The following ABTB2 variants were observed in gnomAD, a reference collection of about 807,000 sequenced individuals.
ABTB2 encodes the protein ankyrin repeat and BTB/POZ domain-containing protein 2.
In ABTB2, 56 loss-of-function variants were observed where a neutral mutation model predicts 104.1. The ratio of observed to expected loss-of-function variants is 0.54; its 90% confidence interval spans 0.43 to 0.67. ABTB2 has a LOEUF of 0.67. ABTB2 is among the 30% of genes least tolerant of loss of function. The pLI, the probability that ABTB2 is intolerant of heterozygous loss-of-function variation, is 0.00. For missense variants in ABTB2, 1,279 were observed against 1,407.7 expected, an observed-to-expected ratio of 0.91 and a Z score of 1.46; for synonymous variants, 606 against 608.2, an observed-to-expected ratio of 1.00 and a Z score of 0.05.
chr11:34,332,484 T>G (rs1170093760), intron 1 of ABTB2, among the ~76,000 whole-genome samples: 2 of 152,192 alleles, frequency 1.3e-5, no homozygotes, highest in Non-Finnish European at 2.9e-5. Flanking sequence ...ACCCTTGACC[T>G]AAGGGAATTA....
intron 1 of ABTB2, among the ~76,000 whole-genome samples, chr11:34,237,510 AT>A (rs1853861244): frequency 6.6e-6 from 1 of 152,102 alleles, no homozygotes; most frequent in Non-Finnish European, 1.5e-5. Context: ...CAGATTTATG[AT>A]TATGATCAGA....
intron 1 of ABTB2, among the ~76,000 whole-genome samples, chr11:34,262,815 C>T (rs760740728): frequency 6.6e-6 from 1 of 152,114 alleles, no homozygotes; most frequent in Non-Finnish European, 1.5e-5. Flanking sequence ...CTCTTGTGGG[C>T]GATTGTCACC....
chr11:34,165,542 A>G (rs140971695), intron 7 of ABTB2, among the ~76,000 whole-genome samples, 186 bp from the exon 8 acceptor site: 311 of 152,350 alleles, frequency 2.0e-3, no homozygotes, highest in African/African-American at 7.1e-3. Flanking sequence ...CAAAGTTTCT[A>G]GAATCTTCAA....
At chr11:34,175,353 C>G (rs11032536) in intron 3 of ABTB2, among the ~76,000 whole-genome samples, 4,067 of 152,314 alleles carry the variant, frequency 0.027, 188 homozygotes, top group East Asian at 0.19. Context: ...ACTGAATAGC[C>G]TACCTTAAAC....
Position 34,243,843 on chromosome 11 carries a change from C to T in ABTB2, c.884-39153G>A, listed in dbSNP as rs559308596. The stretch of plus-strand genomic sequence containing the variant: ...GACACACCCCAGCCCTGGGTATCAG[C>T]GTGGTGACTCAGCAGAGGGCATTCC... On this transcript the variant is annotated intron_variant, in intron 1 of 16. Coordinates refer to ENST00000435224, the MANE Select transcript of ABTB2 (RefSeq NM_145804.3). 5.9e-5 allele frequency among the ~76,000 whole-genome samples: 9 copies of T among 152,262 alleles called. No homozygotes were observed. The East Asian group carries it at 1.5e-3, about 26-fold the overall frequency.
intron 1 of ABTB2, among the ~76,000 whole-genome samples, chr11:34,220,720 AAATAAATAAAT>A (rs1338042512): frequency 1.3e-5 from 2 of 152,292 alleles, no homozygotes; most frequent in Middle Eastern, 3.4e-3. Context: ...TGCAAAAATA[AAATAAATAAAT>A]AATAAATAAA....
chr11:34,166,572 C>T (rs1013202903), intron 7 of ABTB2, among the ~76,000 whole-genome samples: 2 of 152,256 alleles, frequency 1.3e-5, no homozygotes, highest in African/African-American at 4.8e-5. Context: ...AGAGGTCTTG[C>T]AACCTAGTGG....
At chr11:34,198,875 T>C (rs1038902580) in intron 2 of ABTB2, among the ~76,000 whole-genome samples, 4 of 152,220 alleles carry the variant, frequency 2.6e-5, no homozygotes, top group African/African-American at 7.2e-5. Context: ...GCCTCACCCC[T>C]GGCCATTCCT....
intron 3 of ABTB2, among the ~76,000 whole-genome samples, chr11:34,176,078 G>A (rs1939686121): frequency 6.6e-6 from 1 of 152,020 alleles, no homozygotes; most frequent in Middle Eastern, 3.4e-3. Flanking sequence ...TCAGGAGTTC[G>A]AGACCAGCCT....
At chr11:34,336,107 A>C (rs1855190784) in intron 1 of ABTB2, 1 of 284,496 alleles carries the variant, frequency 3.5e-6, no homozygotes, top group African/African-American at 2.2e-5. Flanking sequence ...CCTGCCATCC[A>C]ATATTTGTTT....
intron 3 of ABTB2, among the ~76,000 whole-genome samples, chr11:34,191,773 A>G (rs969341798): frequency 6.6e-6 from 1 of 152,200 alleles, no homozygotes; most frequent in Non-Finnish European, 1.5e-5. Context: ...CCACAAGCTC[A>G]GCCCTGTGTG....
chr11:34,316,155 C>T (rs886927990), intron 1 of ABTB2, among the ~76,000 whole-genome samples: 1 of 152,128 alleles, frequency 6.6e-6, no homozygotes, highest in Non-Finnish European at 1.5e-5. Flanking sequence ...TTCCAGACAC[C>T]CCGTCCCTGG....
At chr11:34,230,207 C>A (rs1255833459) in intron 1 of ABTB2, among the ~76,000 whole-genome samples, 1 of 152,204 alleles carries the variant, frequency 6.6e-6, no homozygotes, top group Non-Finnish European at 1.5e-5. Context: ...AGCAGGGGGA[C>A]CGGTGACCTT....
intron 1 of ABTB2, among the ~76,000 whole-genome samples, chr11:34,303,769 A>G (rs1854739285): frequency 6.6e-6 from 1 of 150,600 alleles, no homozygotes; most frequent in African/African-American, 2.4e-5. Context: ...CAGCTTCCCG[A>G]GTAGTTGGGA....
At chr11:34,159,879 G>A (rs778208632) in intron 13 of ABTB2, 27 bp downstream of exon 13, 7 of 1,561,396 alleles carry the variant, frequency 4.5e-6, no homozygotes, top group Non-Finnish European at 6.2e-6. Context: ...CCCCTGGGCT[G>A]GGAGTTTGTT....
chr11:34,271,463 G>C (rs530167455), intron 1 of ABTB2, among the ~76,000 whole-genome samples: 1 of 152,300 alleles, frequency 6.6e-6, no homozygotes, highest in South Asian at 2.1e-4. Context: ...ACTAGGCCAG[G>C]AGTGGTGGCT....
rs183523071 is a variant in ABTB2 at position 34,211,972 on chromosome 11, C to T, written c.884-7282G>A. The stretch of plus-strand genomic sequence containing the variant: ...TACTTGGGCAAAACCCATCTCAAGA[C>T]GTGACCATGATACTGTGAGGCCCAA... On this transcript the variant is annotated intron_variant, in intron 1 of 16. Transcript: ENST00000435224. Among the ~76,000 whole-genome samples the T allele has an allele frequency of 7.2e-3, 1,088 of 150,352 alleles. 19 individuals carry two copies. The highest frequency in any genetic ancestry group is 0.026 in the African/African-American group (1,039 of 40,738).
chr11:34,351,721 A>G (rs1183354492), intron 1 of ABTB2, among the ~76,000 whole-genome samples: 3 of 152,222 alleles, frequency 2.0e-5, no homozygotes, highest in Non-Finnish European at 4.4e-5. Flanking sequence ...CAGGGAAGAC[A>G]GCAATGCCTA....
chr11:34,236,082 A>G (rs895316082), intron 1 of ABTB2, among the ~76,000 whole-genome samples: 1 of 152,188 alleles, frequency 6.6e-6, no homozygotes, highest in Non-Finnish European at 1.5e-5. Flanking sequence ...CACCCCTGCA[A>G]GGAAGAGAAG....
Sources: gnomAD v4.1 joint callset for allele counts (sites outside exome capture counted in the v4.1 genomes callset) on GRCh38, gnomAD v4.1.1 for gene constraint, MANE v1.5 for transcripts, NCBI Gene and HGNC (gene_info 2026-07-23, HGNC 2026-07-21) for gene names.